CTBP1: variants seen among roughly 807,000 people sequenced by gnomAD.
CTBP1 encodes C-terminal-binding protein 1.
A neutral mutation model predicts 42.1 loss-of-function variants in CTBP1; 11 were observed. That is an observed-to-expected ratio of 0.26 (90% CI 0.16 to 0.43). CTBP1 has a LOEUF of 0.43. Ranked by LOEUF, CTBP1 falls within the 20% of genes least tolerant of loss-of-function variation. The probability of loss-of-function intolerance (pLI) is 1.00; values close to 1 mark genes in which losing one functional copy is unlikely to be tolerated. For synonymous variants in CTBP1, 324 were observed against 277.1 expected, an observed-to-expected ratio of 1.17 and a Z score of -1.68; for missense variants, 399 against 624.3, an observed-to-expected ratio of 0.64 and a Z score of 3.85.
At chr4:1,232,317 T>C in intron 3 of CTBP1, among the ~76,000 whole-genome samples, 1 of 152,182 alleles carries the variant, frequency 6.6e-6, no homozygotes, top group East Asian at 1.9e-4. Flanking sequence ...CATTCTTTCT[T>C]TTTTTCCTTT....
intron 5 of CTBP1, among the ~76,000 whole-genome samples, chr4:1,222,087 G>A (rs1268447755): frequency 6.6e-6 from 1 of 152,206 alleles, no homozygotes; most frequent in Non-Finnish European, 1.5e-5. Context: ...ACAGCAGAGG[G>A]CAGATGGGGA....
chr4:1,240,110 G>C (rs1048737463), intron 2 of CTBP1, among the ~76,000 whole-genome samples: 1 of 152,266 alleles, frequency 6.6e-6, no homozygotes, highest in Admixed American at 6.5e-5. Context: ...CCGCTCGGCT[G>C]CGTCAGAACC....
Position 1,216,526 on chromosome 4 carries a change from A to G in CTBP1, c.515-321T>C. The G allele has an allele frequency of 8.0e-6, 4 of 501,990 alleles. No homozygotes were observed. The South Asian group carries it at 9.5e-5, about 12-fold the overall frequency. The allele number at this position is 501,990 out of a possible 1,614,324, so 31.1% of individuals were successfully genotyped here. A position where few individuals can be genotyped will look rare whatever the true frequency, so the allele number is the denominator to read the frequency against. On this transcript the variant is annotated intron_variant, in intron 5 of 9. Transcript: ENST00000382952. The stretch of plus-strand genomic sequence containing the variant: ...ACATGAACCACTCAGTGTCAAACGG[A>G]CTGGTCAGTGGGTCTCCACCCACCC...
At chr4:1,248,461 G>T (rs1441247153) in intron 1 of CTBP1, among the ~76,000 whole-genome samples, 1 of 150,346 alleles carries the variant, frequency 6.7e-6, no homozygotes, top group Non-Finnish European at 1.5e-5. Context: ...CCGGGAGCGC[G>T]CGCCCCAGGA....
chr4:1,223,721 C>G (rs547753412), intron 5 of CTBP1, among the ~76,000 whole-genome samples: 1 of 152,312 alleles, frequency 6.6e-6, no homozygotes, highest in Admixed American at 6.5e-5. Context: ...GGGCCCCGCC[C>G]AGATGCTCCC....
At chr4:1,248,749 GCCC>G (rs1258683885) in intron 1 of CTBP1, 164 bp downstream of exon 1, 3 of 978,072 alleles carry the variant, frequency 3.1e-6, no homozygotes, top group Non-Finnish European at 3.6e-6. Flanking sequence ...CCGCGGTCCC[GCCC>G]CCGACCGCGG....
At chr4:1,245,810 G>C (rs1032114399) in intron 1 of CTBP1, among the ~76,000 whole-genome samples, 1 of 152,008 alleles carries the variant, frequency 6.6e-6, no homozygotes, top group African/African-American at 2.4e-5. Context: ...GCGGTGCCAG[G>C]GGAGGGTGCA....
intron 4 of CTBP1, among the ~76,000 whole-genome samples, chr4:1,226,382 G>A (rs1477224919): frequency 1.3e-5 from 2 of 152,158 alleles, no homozygotes; most frequent in Non-Finnish European, 2.9e-5. Flanking sequence ...GGACAGGGCT[G>A]CATTCATAGG....
intron 2 of CTBP1, among the ~76,000 whole-genome samples, chr4:1,240,680 G>T (rs993866469): frequency 3.9e-5 from 6 of 152,118 alleles, no homozygotes; most frequent in Admixed American, 1.3e-4. Context: ...CGGTGGGGAG[G>T]GGGGAGCAGG....
chr4:1,246,253 ACCACCAGAGGACCCTGGCGCT>A (rs1285433010), intron 1 of CTBP1, among the ~76,000 whole-genome samples: 6 of 151,934 alleles, frequency 3.9e-5, no homozygotes, highest in Non-Finnish European at 8.8e-5. Flanking sequence ...ACATCCAGCG[ACCACCAGAGGACCCTGGCGCT>A]CCACCCGGCG....
chr4:1,228,986 C>G (rs972796997), intron 3 of CTBP1, among the ~76,000 whole-genome samples: 9 of 152,242 alleles, frequency 5.9e-5, no homozygotes, highest in Admixed American at 5.2e-4. Context: ...GTGTTCACAA[C>G]AGTCACGTTT....
chr4:1,215,988 C>A lies in CTBP1; in HGVS notation c.729+3G>T. The A allele has an allele frequency of 6.2e-7, 1 of 1,607,750 alleles. No individual in the cohort carries two copies. The highest frequency in any genetic ancestry group is 1.1e-5 in the South Asian group (1 of 90,240). On this transcript the variant is annotated splice_donor_region_variant and intron_variant, in intron 6 of 9. Transcript: ENST00000382952. ...AGAGTCCTGTGTCCCCGGCTCCACG[C>A]ACCTGCTTGACGGTGAAGTCGTTGA...
intron 1 of CTBP1, among the ~76,000 whole-genome samples, chr4:1,246,230 C>T (rs1217199044): frequency 6.6e-6 from 1 of 152,162 alleles, no homozygotes; most frequent in Non-Finnish European, 1.5e-5. Context: ...AGAGCTCTTA[C>T]CCACAACTAC....
upstream of CTBP1, chr4:1,249,491 C>CGCCGCAGCCGCA (rs142904753): frequency 0.13 from 20,983 of 157,944 alleles, 2,355 homozygotes; most frequent in East Asian, 0.53. Context: ...CGCTCCTCCG[C>CGCCGCAGCCGCA]GCCGCAGCCG....
chr4:1,244,440 C>T, intron 1 of CTBP1: 2 of 985,126 alleles, frequency 2.0e-6, no homozygotes, highest in African/African-American at 3.5e-5. Flanking sequence ...CCAGCCTCAG[C>T]ACCTGGTCCT....
intron 5 of CTBP1, 47 bp from the exon 6 acceptor site, chr4:1,216,252 G>A (rs372153693): frequency 3.9e-4 from 605 of 1,552,230 alleles, no homozygotes; most frequent in Non-Finnish European, 4.9e-4. Context: ...ACCCGTGGCC[G>A]GGAGGCCGGC....
chr4:1,213,657 C>T (rs375802222), intron 7 of CTBP1, 52 bp from the exon 8 acceptor site: 43 of 1,584,022 alleles, frequency 2.7e-5, no homozygotes, highest in African/African-American at 1.9e-4. Context: ...TGGCTGGGTA[C>T]GGAGGGGAGG....
chr4:1,215,500 C>T (rs879791910), intron 6 of CTBP1: 23 of 215,360 alleles, frequency 1.1e-4, no homozygotes, highest in Non-Finnish European at 2.1e-4. Flanking sequence ...GGCTGCACTG[C>T]GAGCTGTGCT....
chr4:1,220,584 T>C (rs1328863136), intron 5 of CTBP1, among the ~76,000 whole-genome samples: 1 of 152,182 alleles, frequency 6.6e-6, no homozygotes, highest in East Asian at 1.9e-4. Context: ...AAGACCCTCG[T>C]CAAGAACATG....
Sources: allele counts gnomAD v4.1 joint callset (sites outside exome capture counted in the v4.1 genomes callset), GRCh38; gene constraint gnomAD v4.1.1; transcripts MANE v1.5; gene names NCBI Gene and HGNC (gene_info 2026-07-23, HGNC 2026-07-21).